RBM27: variants seen among roughly 807,000 people sequenced by gnomAD.
The protein encoded by RBM27 is RNA-binding protein 27.
A neutral mutation model predicts 135.3 loss-of-function variants in RBM27; 22 were observed. The ratio of observed to expected loss-of-function variants is 0.16; its 90% CI spans 0.12 to 0.23. The LOEUF (loss-of-function observed/expected upper bound fraction) is 0.23. RBM27 is among the 10% of genes least tolerant of loss of function. RBM27 has a pLI of 1.00. For synonymous variants in RBM27, 481 were observed against 442.4 expected, an observed-to-expected ratio of 1.09 and a Z score of -1.10; for missense variants, 1,009 against 1,281.0, an observed-to-expected ratio of 0.79 and a Z score of 3.24.
At chr5:146,227,164 A>G (rs561974561) in intron 3 of RBM27, among the ~76,000 whole-genome samples, 146 of 152,324 alleles carry the variant, frequency 9.6e-4, no homozygotes, top group South Asian at 3.1e-3. Context: ...GCACCAACTC[A>G]TCCTGCTTCT....
rs1391679172 is a variant in RBM27, at chr5:146,271,606, C to T, written c.2920C>T (p.Arg974Cys). 5.0e-6 allele frequency: 8 copies of T among 1,613,742 alleles called. No homozygotes were observed. The highest frequency in any genetic ancestry group is 1.7e-4 in the Middle Eastern group (1 of 6,048). The part of the protein sequence containing the change: ...GSLNHMVVDH[R>C]PKALTVGGFI... ...ACTAAATCACATGGTGGTGGACCATCGTCCCAAAGCACTAACAGTTGGAGG... is the reference window on the plus strand; with the variant it reads ...ACTAAATCACATGGTGGTGGACCATTGTCCCAAAGCACTAACAGTTGGAGG... The change falls in exon 19 of 21, where the codon CGT becomes TGT. Residue 974 changes from arginine to cysteine, a missense_variant. Physicochemically the swap from Arg to Cys is radical, Grantham distance 180. Transcript: ENST00000265271.
chr5:146,235,307 A>G (rs756982433), intron 7 of RBM27, among the ~76,000 whole-genome samples: 2 of 151,684 alleles, frequency 1.3e-5, no homozygotes, highest in African/African-American at 2.4e-5. Flanking sequence ...TGTAATTCCA[A>G]CACTTTGGGA....
intron 8 of RBM27, among the ~76,000 whole-genome samples, chr5:146,243,991 A>G (rs1757514856): frequency 6.6e-6 from 1 of 152,196 alleles, no homozygotes. Flanking sequence ...GTTAAAAAAA[A>G]TCTCCACAAA....
intron 8 of RBM27, among the ~76,000 whole-genome samples, chr5:146,240,998 C>A (rs971211666): frequency 1.8e-4 from 27 of 152,074 alleles, no homozygotes; most frequent in Non-Finnish European, 2.1e-4. Context: ...TATAGCGGAG[C>A]CTCTTTTATC....
intron 6 of RBM27, 37 bp from the exon 7 acceptor site, chr5:146,233,412 AT>A: frequency 6.7e-7 from 1 of 1,496,864 alleles, no homozygotes; most frequent in Non-Finnish European, 8.9e-7. Flanking sequence ...CTCTAAGTAG[AT>A]GATAATAAGA....
chr5:146,279,432 G>A (rs1759233933), intron 19 of RBM27, among the ~76,000 whole-genome samples: 1 of 151,110 alleles, frequency 6.6e-6, no homozygotes, highest in Admixed American at 6.6e-5. Context: ...GGGCGACAGA[G>A]TGAGACTCTG....
intron 1 of RBM27, among the ~76,000 whole-genome samples, chr5:146,209,130 G>A (rs1755831048): frequency 1.3e-5 from 2 of 152,086 alleles, no homozygotes; most frequent in Admixed American, 6.6e-5. Flanking sequence ...TCTGTTATGA[G>A]TATTAATGAT....
In RBM27 at chr5:146,259,264, C is replaced by A. The variant is rs187054923; in HGVS notation, c.1739+671C>A. ...GGCACAGTGGCTCACGCCTATAATCCCAGCTCTTTGGGAGGCCAAGGCGGG... is the reference window on the plus strand; with the variant it reads ...GGCACAGTGGCTCACGCCTATAATCACAGCTCTTTGGGAGGCCAAGGCGGG... On this transcript the variant is annotated intron_variant, in intron 11 of 20. Coordinates refer to ENST00000265271, the MANE Select transcript of RBM27 (RefSeq NM_018989.2). Among the ~76,000 whole-genome samples, 414 of 151,862 alleles carry A rather than the reference C, an allele frequency of 2.7e-3. 2 individuals are homozygous for A. Among genetic ancestry groups the A allele is most frequent in the Middle Eastern group, 6.8e-3 (2 of 294 alleles).
chr5:146,269,879 A>AT (rs1170321937), intron 17 of RBM27, among the ~76,000 whole-genome samples: 1 of 151,408 alleles, frequency 6.6e-6, no homozygotes, highest in Non-Finnish European at 1.5e-5. Context: ...GGCTGCCACA[A>AT]TTTTTTTGTT....
At chr5:146,229,260 C>T (rs1469927207) in intron 4 of RBM27, among the ~76,000 whole-genome samples, 1 of 152,106 alleles carries the variant, frequency 6.6e-6, no homozygotes, top group Non-Finnish European at 1.5e-5. Context: ...CCCAAGAGCT[C>T]AGGGGTGGGA....
At chr5:146,224,239 A>ATG (rs1259728843) in intron 3 of RBM27, among the ~76,000 whole-genome samples, 4 of 152,164 alleles carry the variant, frequency 2.6e-5, no homozygotes, top group South Asian at 2.1e-4. Flanking sequence ...TTATGTATGT[A>ATG]TGTGTGTATA....
chr5:146,279,701 G>A (rs1459522430), intron 19 of RBM27, among the ~76,000 whole-genome samples: 6 of 150,444 alleles, frequency 4.0e-5, no homozygotes, highest in East Asian at 2.0e-4. Flanking sequence ...GCAGCTACTC[G>A]GGAGCCTGAG....
rs528777879 is a variant in RBM27, at chr5:146,204,114, G to A, written c.59+290G>A. Among the ~76,000 whole-genome samples, 5 of 152,300 alleles carry A rather than the reference G, an allele frequency of 3.3e-5. No homozygotes were observed. In the East Asian group the frequency reaches 7.7e-4, roughly 23 times the overall value. On this transcript the variant is annotated intron_variant, in intron 1 of 20. Coordinates refer to ENST00000265271, the MANE Select transcript of RBM27 (RefSeq NM_018989.2). ...TGGAAGGGGTAGCAGGGGCCGTGAG[G>A]GAATTTAAAACATTGCTGTTTGAGA...
chr5:146,259,800 C>T (rs1187976912), intron 11 of RBM27, among the ~76,000 whole-genome samples: 4 of 146,694 alleles, frequency 2.7e-5, no homozygotes, highest in East Asian at 2.0e-4. Context: ...GGTGAAACCC[C>T]GTGTCTACTA....
intron 15 of RBM27, among the ~76,000 whole-genome samples, chr5:146,268,763 G>A (rs1758732704): frequency 6.6e-6 from 1 of 151,920 alleles, no homozygotes; most frequent in South Asian, 2.1e-4. Flanking sequence ...TCATTTTTTT[G>A]TAGAGACAGG....
At chr5:146,204,310 G>A (rs7723070) in intron 1 of RBM27, among the ~76,000 whole-genome samples, 4,636 of 152,238 alleles carry the variant, frequency 0.03, 256 homozygotes, top group African/African-American at 0.11. Flanking sequence ...GAAGCGGATA[G>A]CAGGGACATT....
At chr5:146,241,076 A>C (rs1433336584) in intron 8 of RBM27, among the ~76,000 whole-genome samples, 1 of 152,202 alleles carries the variant, frequency 6.6e-6, no homozygotes, top group Non-Finnish European at 1.5e-5. Flanking sequence ...AAAGTGGACT[A>C]TTCCAGAGTG....
chr5:146,220,234 T>C (rs1337861435), intron 2 of RBM27, among the ~76,000 whole-genome samples: 1 of 152,100 alleles, frequency 6.6e-6, no homozygotes. Context: ...TCCCAGCACT[T>C]TGGGAGGCCG....
intron 6 of RBM27, 43 bp from the exon 7 acceptor site, chr5:146,233,404 CTAA>C: frequency 6.7e-7 from 1 of 1,491,150 alleles, no homozygotes; most frequent in Non-Finnish European, 8.9e-7. Flanking sequence ...TTTCTGAACT[CTAA>C]GTAGATGATA....
Sources: gnomAD v4.1 joint callset for allele counts (sites outside exome capture counted in the v4.1 genomes callset) on GRCh38, gnomAD v4.1.1 for gene constraint, MANE v1.5 for transcripts, NCBI Gene and HGNC (gene_info 2026-07-23, HGNC 2026-07-21) for gene names.